TRNT1: variants seen among roughly 807,000 people sequenced by gnomAD.
TRNT1 encodes tRNA nucleotidyl transferase 1.
A neutral mutation model predicts 45.6 loss-of-function variants in TRNT1; 44 were observed. The observed-to-expected ratio is 0.97, with a 90% CI of 0.76 to 1.24. The LOEUF is 1.24. Ranked by LOEUF, TRNT1 falls within the 50% of genes most tolerant of loss-of-function variation. The pLI, the probability that TRNT1 is intolerant of heterozygous loss-of-function variation, is 0.00. For synonymous variants in TRNT1, 201 were observed against 171.4 expected (o/e 1.17, Z -1.35); for missense variants, 633 against 504.4 (o/e 1.25, Z -2.44).
intron 4 of TRNT1, among the ~76,000 whole-genome samples, chr3:3,143,699 GA>G (rs1433618922): frequency 9.5e-6 from 1 of 105,544 alleles, no homozygotes; most frequent in Non-Finnish European, 2.6e-5. Flanking sequence ...CCCACTTGCC[GA>G]AACCCTGTCT....
At chr3:3,152,608 G>A (rs769319457), downstream of TRNT1, 2 of 1,613,616 alleles carry the variant, frequency 1.2e-6, no homozygotes, top group Admixed American at 1.7e-5. Context: ...GAATCAACAT[G>A]GAGAACACGT....
chr3:3,139,405 A>G (rs1705508625), intron 3 of TRNT1, among the ~76,000 whole-genome samples: 2 of 152,258 alleles, frequency 1.3e-5, no homozygotes, highest in Admixed American at 1.3e-4. Context: ...ATCCTACAAC[A>G]GACTTCTGGT....
chr3:3,131,029 C>T (rs1237366884), intron 2 of TRNT1, among the ~76,000 whole-genome samples: 3 of 151,374 alleles, frequency 2.0e-5, no homozygotes, highest in South Asian at 2.1e-4. Context: ...TGCGGTAAGC[C>T]GAGATTGTGC....
At position 3,135,031 on chromosome 3, in the gene TRNT1, A is replaced by T. The variant is rs552780160; in HGVS notation, c.149-2229A>T. Reference sequence around the variant, plus strand: ...AATTTAGTGGTCATGACCAGTAATTAAAAAAAAGAGAGAATAGAATAGATT... The same window carrying T: ...AATTTAGTGGTCATGACCAGTAATTTAAAAAAAGAGAGAATAGAATAGATT... On this transcript the variant is annotated intron_variant, in intron 2 of 7. Transcript: ENST00000251607. 2.0e-5 allele frequency among the ~76,000 whole-genome samples: 3 copies of T among 151,856 alleles called. No homozygotes were observed. In the South Asian group the frequency reaches 6.2e-4, roughly 32 times the overall value.
chr3:3,140,722 A>G, intron 4 of TRNT1, 74 bp downstream of exon 4: 4 of 1,526,170 alleles, frequency 2.6e-6, no homozygotes, highest in African/African-American at 1.4e-5. Context: ...TACATTCTGG[A>G]AATGTTCTTC....
intron 2 of TRNT1, chr3:3,130,288 A>T (rs1185484195): frequency 2.4e-5 from 6 of 254,014 alleles, no homozygotes; most frequent in Non-Finnish European, 4.6e-5. Context: ...TCTGGGTGGG[A>T]TGACCATCTA....
chr3:3,150,802 T>C (rs1367298824), downstream of TRNT1: 9 of 1,512,578 alleles, frequency 6.0e-6, no homozygotes, highest in African/African-American at 4.1e-5. Flanking sequence ...GAGGCAATAA[T>C]TTCCAAAGCA....
Position 3,137,452 on chromosome 3 carries a change from G to T in TRNT1, c.341G>T (p.Arg114Met). Residue 114 changes from arginine (R) to methionine (M), a missense_variant and splice_region_variant, in exon 3 of 8, where the codon AGG (arginine) becomes ATG (methionine). Transcript: ENST00000251607. ...RGEKHGTITA[R>M]LHEENFEITT... Reference sequence around the variant, plus strand: ...GAAAAGCACGGAACAATTACTGCCAGGGTGAGTCAAAAGTTTGACAGGTAA... The same window carrying T: ...GAAAAGCACGGAACAATTACTGCCATGGTGAGTCAAAAGTTTGACAGGTAA... 6.3e-7 allele frequency: 1 copy of T among 1,594,996 alleles called. No homozygotes were observed. Among genetic ancestry groups the T allele is most frequent in the Non-Finnish European group, 8.5e-7 (1 of 1,173,290 alleles).
Position 3,137,255 on chromosome 3 carries a change from C to T in TRNT1, c.149-5C>T, listed in dbSNP as rs200056840. On this transcript the variant is annotated splice_polypyrimidine_tract_variant and splice_region_variant and intron_variant, in intron 2 of 7. Transcript: ENST00000251607. ...GAATAAAAATCTTATTTTCTCTCATCTCAGAATTATTTGTCAAAGAGAATC... is the reference window on the plus strand; with the variant it reads ...GAATAAAAATCTTATTTTCTCTCATTTCAGAATTATTTGTCAAAGAGAATC... 4.7e-5 allele frequency: 74 copies of T among 1,571,370 alleles called. No homozygotes were observed. The highest frequency in any genetic ancestry group is 8.3e-5 in the African/African-American group (6 of 72,588).
At chr3:3,128,882 C>G in intron 1 of TRNT1, 132 bp from the exon 2 acceptor site, 1 of 690,760 alleles carries the variant, frequency 1.4e-6, no homozygotes, top group Non-Finnish European at 2.4e-6. Context: ...CAAACTGACA[C>G]CGTTTTCAGT....
Position 3,131,077 on chromosome 3 carries a change from T to A in TRNT1, c.148+1889T>A, listed in dbSNP as rs201465393. On this transcript the variant is annotated intron_variant, in intron 2 of 7. Transcript: ENST00000251607. Reference sequence around the variant, plus strand: ...GCCTGGGCGACACAGACCGTGTCTTTAAAAAAAAAAAAAAATTAATGAGAT... The same window carrying A: ...GCCTGGGCGACACAGACCGTGTCTTAAAAAAAAAAAAAAAATTAATGAGAT... Among the ~76,000 whole-genome samples the A allele has an allele frequency of 9.2e-4, 133 of 144,878 alleles. 5 individuals are homozygous for A. The East Asian group carries it at 0.024, about 27-fold the overall frequency.
Position 3,148,130 on chromosome 3 carries a change from T to A in TRNT1, c.1281T>A (p.Leu427=). The A allele has an allele frequency of 6.2e-7, 1 of 1,613,534 alleles. No homozygotes were observed. Among genetic ancestry groups the A allele is most frequent in the Non-Finnish European group, 8.5e-7 (1 of 1,179,702 alleles). The part of the protein sequence containing the change: ...KSGYQMEKDE[L]LSYIKKT ...GTTACCAAATGGAAAAAGATGAACT[T>A]CTGAGTTACATAAAGAAGACCTAAA... Residue 427 remains leucine, a synonymous_variant, in exon 8 of 8, where the codon CTT becomes CTA. Coordinates refer to ENST00000251607, the MANE Select transcript of TRNT1 (RefSeq NM_182916.3).
downstream of TRNT1, chr3:3,150,938 C>T (rs760799393): frequency 4.3e-6 from 7 of 1,613,840 alleles, no homozygotes; most frequent in Non-Finnish European, 5.1e-6. Context: ...CAGAGCAGAT[C>T]GCGTTAAGCC....
chr3:3,128,866 A>G (rs1704792382), intron 1 of TRNT1, 148 bp from the exon 2 acceptor site: 2 of 610,738 alleles, frequency 3.3e-6, no homozygotes, highest in Admixed American at 3.0e-5. Context: ...CCTAGTCGTA[A>G]TCCCTCAAAC....
intron 4 of TRNT1, among the ~76,000 whole-genome samples, chr3:3,141,391 G>A (rs1373766537): frequency 1.3e-5 from 2 of 152,110 alleles, no homozygotes; most frequent in Admixed American, 6.5e-5. Flanking sequence ...TATCTTTCAT[G>A]CATGTTTATT....
intron 2 of TRNT1, among the ~76,000 whole-genome samples, chr3:3,135,431 C>T (rs77008531): frequency 0.032 from 4,801 of 151,930 alleles, 154 homozygotes; most frequent in African/African-American, 0.088. Context: ...GTTTTAAATC[C>T]CTATGTCTAG....
chr3:3,135,708 A>G (rs138394102), intron 2 of TRNT1, among the ~76,000 whole-genome samples: 18 of 152,278 alleles, frequency 1.2e-4, no homozygotes, highest in Non-Finnish European at 2.4e-4. Context: ...AGGTAGGGAT[A>G]GAGGATTCTG....
At chr3:3,139,692 C>G (rs1705528268) in intron 3 of TRNT1, among the ~76,000 whole-genome samples, 1 of 152,160 alleles carries the variant, frequency 6.6e-6, no homozygotes, top group South Asian at 2.1e-4. Flanking sequence ...TGGAGGTAGT[C>G]TGTCTTCCCA....
chr3:3,137,076 C>T (rs1184720712), intron 2 of TRNT1, among the ~76,000 whole-genome samples, 184 bp from the exon 3 acceptor site: 2 of 152,152 alleles, frequency 1.3e-5, no homozygotes, highest in Non-Finnish European at 2.9e-5. Flanking sequence ...TCCTCAGAGG[C>T]ACTCTCCTGT....
Sources: allele counts gnomAD v4.1 joint callset (sites outside exome capture counted in the v4.1 genomes callset), GRCh38; gene constraint gnomAD v4.1.1; transcripts MANE v1.5; gene names NCBI Gene and HGNC (gene_info 2026-07-23, HGNC 2026-07-21).